The following CEP126 variants were observed in gnomAD, a reference collection of about 807,000 sequenced individuals.
The protein encoded by CEP126 is centrosomal protein of 126 kDa.
Under a neutral mutation model 107.8 loss-of-function variants are expected in CEP126, and 74 were observed. The observed-to-expected ratio is 0.69, with a 90% CI of 0.57 to 0.83. CEP126 has a LOEUF of 0.83. CEP126 is among the 40% of genes least tolerant of loss of function. The pLI, the probability that CEP126 is intolerant of heterozygous loss-of-function variation, is 0.00. For missense variants in CEP126, 1,237 were observed against 1,281.9 expected, an observed-to-expected ratio of 0.96 and a Z score of 0.53; for synonymous variants, 449 against 446.0, an observed-to-expected ratio of 1.01 and a Z score of -0.08.
chr11:101,915,302 C>G lies in CEP126; in HGVS notation c.18C>G (p.Pro6=), dbSNP rs201779479. 8.7e-6 allele frequency: 14 copies of G among 1,613,460 alleles called. No homozygotes were observed. Among genetic ancestry groups the G allele is most frequent in the South Asian group, 1.1e-5 (1 of 91,066 alleles). The stretch of plus-strand genomic sequence containing the variant: ...AGTGAAGGATGCTGGCGGGGAGGCC[C>G]GGAACCCGGAGCGCGGTCGGGGAAC... The part of the protein sequence containing the change: MLAGR[P]GTRSAVGELG... The change falls in exon 1 of 11, where the codon CCC becomes CCG. Residue 6 remains proline, a synonymous_variant. Transcript: ENST00000263468.
intron 6 of CEP126, among the ~76,000 whole-genome samples, chr11:101,974,139 A>AAC (rs112064654): frequency 0.017 from 2,519 of 145,672 alleles, 61 homozygotes; most frequent in African/African-American, 0.061. Flanking sequence ...TTCTTTGTTA[A>AAC]ACACACACAC....
At chr11:101,926,343 TAA>T (rs1341236087) in intron 2 of CEP126, among the ~76,000 whole-genome samples, 1 of 152,166 alleles carries the variant, frequency 6.6e-6, no homozygotes, top group Non-Finnish European at 1.5e-5. Flanking sequence ...TGAAAAAGCC[TAA>T]TGTTATGAAA....
At chr11:101,977,143 TA>T (rs1941200745) in intron 6 of CEP126, among the ~76,000 whole-genome samples, 1 of 152,214 alleles carries the variant, frequency 6.6e-6, no homozygotes, top group African/African-American at 2.4e-5. Context: ...GTTATAGTTA[TA>T]ATTTTTTGAT....
intron 4 of CEP126, 61 bp from the exon 5 acceptor site, chr11:101,958,107 C>G: frequency 7.1e-7 from 1 of 1,399,082 alleles, no homozygotes. Context: ...CATGTATATA[C>G]ATATAGAAAG....
Position 101,963,160 on chromosome 11 carries a change from A to T in CEP126, c.2125A>T (p.Met709Leu). Reference protein sequence around the residue: ...TTLGGSGADHMPLNCFIPSGY... With the variant: ...TTLGGSGADHLPLNCFIPSGY... ...TTTAGGAGGATCTGGAGCAGACCAT[A>T]TGCCTTTGAACTGTTTTATACCTTC... The change falls in exon 6 of 11, where the codon ATG becomes TTG. Residue 709 changes from methionine (M) to leucine (L), a missense_variant. Physicochemically the swap from Met to Leu is conservative, Grantham distance 15. Transcript: ENST00000263468. 1 of 1,614,084 alleles carries T rather than the reference A, an allele frequency of 6.2e-7. No individual in the cohort carries two copies. Among genetic ancestry groups the T allele is most frequent in the Non-Finnish European group, 8.5e-7 (1 of 1,179,980 alleles).
intron 2 of CEP126, among the ~76,000 whole-genome samples, chr11:101,928,537 T>G (rs1288845745): frequency 6.6e-6 from 1 of 152,232 alleles, no homozygotes; most frequent in Non-Finnish European, 1.5e-5. Flanking sequence ...AGTTAATCTT[T>G]CTATAAAGTA....
intron 7 of CEP126, among the ~76,000 whole-genome samples, chr11:101,980,120 G>A (rs1298132560): frequency 6.6e-6 from 1 of 152,048 alleles, no homozygotes; most frequent in Non-Finnish European, 1.5e-5. Flanking sequence ...TCATTTAGTT[G>A]TATGTTTATG....
chr11:101,992,702 A>G, intron 9 of CEP126, 76 bp from the exon 10 acceptor site: 1 of 848,002 alleles, frequency 1.2e-6, no homozygotes, highest in East Asian at 3.2e-5. Flanking sequence ...AGAATTTAAT[A>G]TTTGATTCTT....
chr11:101,940,336 T>C (rs1460102307), intron 2 of CEP126, among the ~76,000 whole-genome samples: 1 of 152,214 alleles, frequency 6.6e-6, no homozygotes, highest in African/African-American at 2.4e-5. Flanking sequence ...AAAGCATATA[T>C]AATAAATGCA....
intron 8 of CEP126, among the ~76,000 whole-genome samples, chr11:101,983,855 C>T (rs921883593): frequency 2.0e-5 from 3 of 152,182 alleles, no homozygotes; most frequent in African/African-American, 7.2e-5. Context: ...AGCTTGTGTC[C>T]TCACTGATTT....
chr11:101,963,259 T>A lies in CEP126; in HGVS notation c.2224T>A (p.Ser742Thr). The A allele has an allele frequency of 1.9e-6, 3 of 1,613,990 alleles. No individual in the cohort carries two copies. Among genetic ancestry groups the A allele is most frequent in the Middle Eastern group, 1.6e-4 (1 of 6,062 alleles). Residue 742 changes from serine (S) to threonine (T), a missense_variant, in exon 6 of 11, where the codon TCT becomes ACT. Coordinates refer to ENST00000263468, the MANE Select transcript of CEP126 (RefSeq NM_020802.4). ...AAGTAAAATCCCTGTACATGATGAT[T>A]CTAAAACTAAGCAAGGTAAGCCACA... ...EESKIPVHDDSKTKQGKPQRG... is the reference protein window; with the variant it reads ...EESKIPVHDDTKTKQGKPQRG...
At chr11:101,960,220 A>G (rs1940953131) in intron 5 of CEP126, among the ~76,000 whole-genome samples, 1 of 152,190 alleles carries the variant, frequency 6.6e-6, no homozygotes, top group South Asian at 2.1e-4. Flanking sequence ...ATGTTTCATT[A>G]TTTAGTGGTG....
chr11:101,996,102 T>C (rs1591298711), intron 10 of CEP126, among the ~76,000 whole-genome samples: 1 of 152,222 alleles, frequency 6.6e-6, no homozygotes, highest in East Asian at 1.9e-4. Context: ...CTCCACTCTA[T>C]AGCATCTTCA....
intron 8 of CEP126, among the ~76,000 whole-genome samples, chr11:101,983,309 A>C (rs1941277986): frequency 6.6e-6 from 1 of 152,202 alleles, no homozygotes; most frequent in Non-Finnish European, 1.5e-5. Flanking sequence ...GAATGACCAC[A>C]ATATATGACC....
At chr11:101,951,535 GA>G (rs1940812912) in intron 4 of CEP126, among the ~76,000 whole-genome samples, 1 of 151,214 alleles carries the variant, frequency 6.6e-6, no homozygotes, top group Non-Finnish European at 1.5e-5. Context: ...GAAGGAGAAG[GA>G]AAAAGAAAAG....
At chr11:101,919,605 C>A (rs577736082) in intron 1 of CEP126, among the ~76,000 whole-genome samples, 45 of 151,828 alleles carry the variant, frequency 3.0e-4, no homozygotes, top group Non-Finnish European at 5.1e-4. Context: ...TGAAATGATA[C>A]AAAAGCAGCA....
chr11:101,964,480 A>G lies in CEP126; in HGVS notation c.2845+600A>G, dbSNP rs577340246. Among the ~76,000 whole-genome samples, 85 of 152,066 alleles carry G rather than the reference A, an allele frequency of 5.6e-4. 1 individual carries two copies. Among genetic ancestry groups the G allele is most frequent in the Non-Finnish European group, 7.1e-4 (48 of 67,962 alleles). On this transcript the variant is annotated intron_variant, in intron 6 of 10. Coordinates refer to ENST00000263468, the MANE Select transcript of CEP126 (RefSeq NM_020802.4). ...GAAACCCTGTCTCTACAAAAATACA[A>G]AAATTAGCCGGGCATGGTGGCGCGT...
rs763613769 is a variant in CEP126, at chr11:101,962,160, C to T, written c.1125C>T (p.Pro375=). Reference sequence around the variant, plus strand: ...CAGTACCCTTTGTATCTAGCCCACCCATGTTTGTACTAGATAAAAAATGTG... The same window carrying T: ...CAGTACCCTTTGTATCTAGCCCACCTATGTTTGTACTAGATAAAAAATGTG... The part of the protein sequence containing the change: ...NNSVPFVSSP[P]MFVLDKKCEK... Residue 375 remains proline, a synonymous_variant, in exon 6 of 11, where the codon CCC becomes CCT. Transcript: ENST00000263468. 5.0e-6 allele frequency: 8 copies of T among 1,613,132 alleles called. No individual in the cohort carries two copies. In the South Asian group the frequency reaches 8.8e-5, roughly 18 times the overall value.
At chr11:101,975,365 A>G (rs1018789332) in intron 6 of CEP126, among the ~76,000 whole-genome samples, 5 of 152,230 alleles carry the variant, frequency 3.3e-5, no homozygotes, top group African/African-American at 1.2e-4. Flanking sequence ...TTATAAAACT[A>G]CATATGTCTC....
Sources: allele counts gnomAD v4.1 joint callset (sites outside exome capture counted in the v4.1 genomes callset), GRCh38; gene constraint gnomAD v4.1.1; transcripts MANE v1.5; gene names NCBI Gene and HGNC (gene_info 2026-07-23, HGNC 2026-07-21).